REG4: variants seen among roughly 807,000 people sequenced by gnomAD.
REG4 encodes the protein regenerating family member 4.
Under a neutral mutation model 22.3 loss-of-function variants are expected in REG4, and 16 were observed. That is an observed-to-expected ratio of 0.72 (90% CI 0.49 to 1.09). The LOEUF is 1.09. Ranked by LOEUF, REG4 falls within the 50% of genes least tolerant of loss-of-function variation. The pLI is 0.00. For missense variants in REG4, 214 were observed against 193.9 expected (o/e 1.10, Z -0.61); for synonymous variants, 71 against 69.2 (o/e 1.03, Z -0.13).
chr1:119,804,409 A>G (rs587629138), intron 2 of REG4, among the ~76,000 whole-genome samples: 19 of 152,310 alleles, frequency 1.2e-4, no homozygotes, highest in African/African-American at 3.1e-4. Flanking sequence ...TCTATGCCAT[A>G]GTCCCAGCTC....
intron 2 of REG4, among the ~76,000 whole-genome samples, chr1:119,804,700 A>T (rs1654237495): frequency 6.6e-6 from 1 of 152,210 alleles, no homozygotes; most frequent in African/African-American, 2.4e-5. Context: ...GCTTTTGTAA[A>T]TAAGGTGCTT....
intron 3 of REG4, chr1:119,802,415 A>G (rs1654138268): frequency 5.0e-6 from 5 of 991,064 alleles, no homozygotes; most frequent in Non-Finnish European, 6.0e-6. Context: ...GTCTAGTTTT[A>G]TACAGGGATT....
chr1:119,804,924 C>A (rs1654250478), intron 2 of REG4, among the ~76,000 whole-genome samples: 1 of 152,110 alleles, frequency 6.6e-6, no homozygotes, highest in Non-Finnish European at 1.5e-5. Flanking sequence ...TGCCAGGCAC[C>A]ATGTTAGGTG....
Position 119,799,350 on chromosome 1 carries a change from C to A in REG4, c.303+375G>T, listed in dbSNP as rs189947524. Among the ~76,000 whole-genome samples the A allele has an allele frequency of 2.6e-4, 39 of 151,974 alleles. No homozygotes were observed. The East Asian group carries it at 7.4e-3, about 29-fold the overall frequency. On this transcript the variant is annotated intron_variant, in intron 4 of 5. Transcript: ENST00000256585. Reference sequence around the variant, plus strand: ...AAAAAGGCTAGCTGAAAGTTTTCAACTTTAACTCAAGATCCAATGGAGATT... The same window carrying A: ...AAAAAGGCTAGCTGAAAGTTTTCAAATTTAACTCAAGATCCAATGGAGATT...
At chr1:119,797,763 G>A (rs1472828648) in intron 5 of REG4, among the ~76,000 whole-genome samples, 2 of 152,210 alleles carry the variant, frequency 1.3e-5, no homozygotes, top group African/African-American at 4.8e-5. Context: ...TATGCCTGGA[G>A]ATATTTTTGA....
At chr1:119,807,323 A>C (rs1287208011) in intron 2 of REG4, among the ~76,000 whole-genome samples, 1 of 152,260 alleles carries the variant, frequency 6.6e-6, no homozygotes, top group Admixed American at 6.5e-5. Context: ...AGTAAGAATA[A>C]GTAGAATGTC....
rs753802573 is a variant in REG4, at chr1:119,802,838, G to A, written c.165+230C>T. On this transcript the variant is annotated intron_variant, in intron 3 of 5. Coordinates refer to ENST00000256585, the MANE Select transcript of REG4 (RefSeq NM_032044.4). ...GGTAGGGGCTCTTTCCTATGTATCC[G>A]TATGTGCTTGTAGCCCATCTAGGGT... 214 of 1,538,198 alleles carry A rather than the reference G, an allele frequency of 1.4e-4. 1 individual carries two copies. Among genetic ancestry groups the A allele is most frequent in the Non-Finnish European group, 1.7e-4 (196 of 1,137,068 alleles).
intron 1 of REG4, among the ~76,000 whole-genome samples, chr1:119,809,605 GC>G (rs1654434781): frequency 6.6e-6 from 1 of 152,134 alleles, no homozygotes; most frequent in African/African-American, 2.4e-5. Flanking sequence ...TAGTCCTATA[GC>G]CTGGTTTTGT....
intron 1 of REG4, among the ~76,000 whole-genome samples, chr1:119,809,655 C>T (rs950706355): frequency 2.0e-5 from 3 of 152,274 alleles, no homozygotes; most frequent in East Asian, 3.9e-4. Flanking sequence ...TTGTCTTGCA[C>T]TCACATAACT....
At chr1:119,799,004 T>C (rs113154549) in intron 4 of REG4, among the ~76,000 whole-genome samples, 4 of 152,184 alleles carry the variant, frequency 2.6e-5, no homozygotes, top group African/African-American at 7.2e-5. Flanking sequence ...AGCCATAAGA[T>C]GTTTATAGAC....
chr1:119,810,980 G>T (rs1654477231), intron 1 of REG4, among the ~76,000 whole-genome samples: 2 of 152,254 alleles, frequency 1.3e-5, no homozygotes, highest in South Asian at 4.1e-4. Flanking sequence ...CTTGAACCTG[G>T]GAGGCAGAAG....
chr1:119,797,571 AG>A (rs1195911302), intron 5 of REG4, among the ~76,000 whole-genome samples: 1 of 152,196 alleles, frequency 6.6e-6, no homozygotes, highest in Non-Finnish European at 1.5e-5. Flanking sequence ...CTTGGCTGGC[AG>A]GGGGTCCTGG....
At chr1:119,803,238 CA>C (rs1209331714) in intron 2 of REG4, 73 bp from the exon 3 acceptor site, 1 of 1,420,824 alleles carries the variant, frequency 7.0e-7, no homozygotes, top group African/African-American at 1.4e-5. Flanking sequence ...ATACAGTTTG[CA>C]ATCAGGAACC....
Position 119,794,288 on chromosome 1 carries a change from T to C in REG4, c.*330A>G, listed in dbSNP as rs1452608869. 2 of 572,622 alleles carry C rather than the reference T, an allele frequency of 3.5e-6. No homozygotes were observed. The highest frequency in any genetic ancestry group is 7.0e-6 in the Non-Finnish European group (2 of 287,520). The allele number at this position is 572,622 out of a possible 1,614,324, so 35.5% of individuals were successfully genotyped here. On this transcript the variant is annotated 3_prime_UTR_variant, in exon 6 of 6. Transcript: ENST00000256585. ...TACTCCTGAGTTTCTTCCTTCTGTC[T>C]TCAAATCTTTACTTCTTATGGCCAA...
intron 2 of REG4, among the ~76,000 whole-genome samples, 192 bp downstream of exon 2, chr1:119,808,511 A>G (rs1026492739): frequency 7.9e-5 from 12 of 152,242 alleles, no homozygotes; most frequent in African/African-American, 2.9e-4. Flanking sequence ...GGTTATAATC[A>G]TATGGAATTG....
intron 1 of REG4, among the ~76,000 whole-genome samples, chr1:119,810,727 T>C (rs908588818): frequency 4.6e-5 from 7 of 152,204 alleles, no homozygotes; most frequent in African/African-American, 1.7e-4. Flanking sequence ...TGAACTGATA[T>C]TCATTGAATG....
rs587658207 is a variant in REG4 at position 119,794,556 on chromosome 1, C to G, written c.*62G>C. 30 of 1,445,334 alleles carry G rather than the reference C, an allele frequency of 2.1e-5. No individual in the cohort carries two copies. The African/African-American group carries it at 2.4e-4, about 11-fold the overall frequency. The allele number at this position is 1,445,334 out of a possible 1,614,324, so 89.5% of individuals were successfully genotyped here. ...CTCTGAAATAATGAGCAGATTTAGCCAGGCTAGCAGAAAGGAAGAGGACGG... is the reference window on the plus strand; with the variant it reads ...CTCTGAAATAATGAGCAGATTTAGCGAGGCTAGCAGAAAGGAAGAGGACGG... On this transcript the variant is annotated 3_prime_UTR_variant, in exon 6 of 6. Coordinates refer to ENST00000256585, the MANE Select transcript of REG4 (RefSeq NM_032044.4).
At position 119,794,341 on chromosome 1, in the gene REG4, T is replaced by C; in HGVS notation, c.*277A>G. The C allele has an allele frequency of 1.6e-6, 1 of 619,696 alleles. No homozygotes were observed. The highest frequency in any genetic ancestry group is 3.1e-6 in the Non-Finnish European group (1 of 327,062). The allele number at this position is 619,696 out of a possible 1,614,324, so 38.4% of individuals were successfully genotyped here. A position where few individuals can be genotyped will look rare whatever the true frequency, so the allele number is the denominator to read the frequency against. ...ACCCAGCTGTTTCATAGGCTGGAGA[T>C]GCACTCTTCTAGACTGCTCGAGACA... is the stretch of plus-strand genomic sequence containing the variant. On this transcript the variant is annotated 3_prime_UTR_variant, in exon 6 of 6. Coordinates refer to ENST00000256585, the MANE Select transcript of REG4 (RefSeq NM_032044.4).
chr1:119,803,375 C>T (rs587653439), intron 2 of REG4, among the ~76,000 whole-genome samples: 12 of 152,240 alleles, frequency 7.9e-5, no homozygotes, highest in South Asian at 2.1e-4. Flanking sequence ...TGTGTTTCTG[C>T]GATTACTGGA....
Sources: allele counts gnomAD v4.1 joint callset (sites outside exome capture counted in the v4.1 genomes callset), GRCh38; gene constraint gnomAD v4.1.1; transcripts MANE v1.5; gene names NCBI Gene and HGNC (gene_info 2026-07-23, HGNC 2026-07-21).